Variants in SMARCAL1 observed in about 807,000 individuals in gnomAD.
The protein encoded by SMARCAL1 is SNF2 related chromatin remodeling annealing helicase 1.
SMARCAL1 carries 58 observed loss-of-function variants against 94.5 expected under a neutral mutation model. That is an observed-to-expected ratio of 0.61 (90% confidence interval 0.50 to 0.76). The LOEUF is 0.76. Ranked by LOEUF, SMARCAL1 falls within the 30% of genes least tolerant of loss-of-function variation. The pLI is 0.00. For missense variants in SMARCAL1, 1,051 were observed against 1,177.9 expected, an observed-to-expected ratio of 0.89 and a Z score of 1.58; for synonymous variants, 422 against 455.1, an observed-to-expected ratio of 0.93 and a Z score of 0.93.
At chr2:216,463,423 C>G (rs1276870284) in intron 12 of SMARCAL1, among the ~76,000 whole-genome samples, 1 of 152,172 alleles carries the variant, frequency 6.6e-6, no homozygotes, top group African/African-American at 2.4e-5. Flanking sequence ...GCGGAAGGAA[C>G]AAAGAGGCTC....
chr2:216,477,210 G>C lies in SMARCAL1; in HGVS notation c.2528+1G>C. 1 of 1,580,584 alleles carries C rather than the reference G, an allele frequency of 6.3e-7. No individual in the cohort carries two copies. Among genetic ancestry groups the C allele is most frequent in the Non-Finnish European group, 8.6e-7 (1 of 1,162,054 alleles). On this transcript the variant is annotated splice_donor_variant, in intron 16 of 17. Coordinates refer to ENST00000357276, the MANE Select transcript of SMARCAL1 (RefSeq NM_014140.4). LOFTEE classifies it high-confidence loss of function. ...AGGGCACAGCTGATGACTACCTTTGGTATGGCTTGGTTGGGTGGCCTGGCA... is the reference window on the plus strand; with the variant it reads ...AGGGCACAGCTGATGACTACCTTTGCTATGGCTTGGTTGGGTGGCCTGGCA...
chr2:216,478,074 T>TGA, intron 16 of SMARCAL1, 129 bp from the exon 17 acceptor site: 1 of 832,436 alleles, frequency 1.2e-6, no homozygotes, highest in Non-Finnish European at 2.1e-6. Context: ...GTTTGCACCT[T>TGA]GAGAGATGCA....
At chr2:216,469,154 A>G (rs1694901843) in intron 14 of SMARCAL1, among the ~76,000 whole-genome samples, 1 of 152,106 alleles carries the variant, frequency 6.6e-6, no homozygotes, top group African/African-American at 2.4e-5. Context: ...ACTATATTCT[A>G]GGAGTACGTA....
In SMARCAL1 at chr2:216,476,564, C is replaced by T. The variant is rs559534805; in HGVS notation, c.2428-545C>T. 6.6e-5 allele frequency among the ~76,000 whole-genome samples: 10 copies of T among 152,258 alleles called. No homozygotes were observed. In the East Asian group the frequency reaches 1.5e-3, roughly 24 times the overall value. On this transcript the variant is annotated intron_variant, in intron 15 of 17. Transcript: ENST00000357276. ...CTGGGCTCAAGCAATCTGCCTGCCT[C>T]AGCCTCCCAAAGTGCTGGGATTACA...
chr2:216,477,170 A>G lies in SMARCAL1; in HGVS notation c.2489A>G (p.His830Arg). Reference protein sequence around the residue: ...RIGQTSSVGIHYLVAKGTADD... With the variant: ...RIGQTSSVGIRYLVAKGTADD... ...GGACAGACCAGCTCCGTGGGCATTCACTACCTCGTGGCAAAGGGCACAGCT... is the reference window on the plus strand; with the variant it reads ...GGACAGACCAGCTCCGTGGGCATTCGCTACCTCGTGGCAAAGGGCACAGCT... Residue 830 changes from histidine (H) to arginine (R), a missense_variant, in exon 16 of 18, where the codon CAC becomes CGC. Around this residue, in one of 3 missense-constraint regions of SMARCAL1, gnomAD observed 642 missense variants for 754.7 expected, o/e 0.85. Coordinates refer to ENST00000357276, the MANE Select transcript of SMARCAL1 (RefSeq NM_014140.4). 6.3e-7 allele frequency: 1 copy of G among 1,598,138 alleles called. No homozygotes were observed. Among genetic ancestry groups the G allele is most frequent in the Non-Finnish European group, 8.5e-7 (1 of 1,172,470 alleles).
intron 9 of SMARCAL1, among the ~76,000 whole-genome samples, chr2:216,436,798 G>A (rs982064946): frequency 1.3e-5 from 2 of 152,160 alleles, no homozygotes; most frequent in Non-Finnish European, 2.9e-5. Context: ...TTTCCCAGTG[G>A]CCCCTGAGTA....
rs765629645 is a variant in SMARCAL1 at position 216,415,442 on chromosome 2, T to C, written c.738T>C (p.Asp246=). 1.2e-5 allele frequency: 19 copies of C among 1,614,146 alleles called. No homozygotes were observed. In the South Asian group the frequency reaches 2.0e-4, roughly 17 times the overall value. ...SQKGKCVRNG[D]RFQVLIGYNA... ...AGGGAAAGTGCGTAAGGAACGGCGATCGTTTCCAGGTGTTGATTGGGTACA... is the reference window on the plus strand; with the variant it reads ...AGGGAAAGTGCGTAAGGAACGGCGACCGTTTCCAGGTGTTGATTGGGTACA... The change falls in exon 3 of 18, where the codon GAT becomes GAC. Residue 246 remains aspartate (D), a synonymous_variant. Transcript: ENST00000357276.
intron 5 of SMARCAL1, among the ~76,000 whole-genome samples, chr2:216,423,378 G>GTGGCACCTTTTATCACAACCCT (rs1215865100): frequency 6.6e-6 from 1 of 152,198 alleles, no homozygotes; most frequent in African/African-American, 2.4e-5. Flanking sequence ...CATGTATCCT[G>GTGGCACCTTTTATCACAACCCT]TGGCACCTTT....
At chr2:216,448,115 C>G (rs17558615) in intron 11 of SMARCAL1, among the ~76,000 whole-genome samples, 15,196 of 152,246 alleles carry the variant, frequency 0.1, 903 homozygotes, top group South Asian at 0.19. Context: ...AAATTGTAGT[C>G]CTTAGCATAG....
intron 3 of SMARCAL1, 91 bp from the exon 4 acceptor site, chr2:216,416,166 G>C (rs1280806775): frequency 5.5e-6 from 6 of 1,081,382 alleles, no homozygotes; most frequent in Non-Finnish European, 8.6e-6. Flanking sequence ...TTTGAACTTG[G>C]CGTCCTTCAT....
At chr2:216,476,316 T>TC (rs1695078613) in intron 15 of SMARCAL1, among the ~76,000 whole-genome samples, 1 of 151,416 alleles carries the variant, frequency 6.6e-6, no homozygotes, top group African/African-American at 2.4e-5. Context: ...TTAGGTGGTT[T>TC]TTTTTTTCTT....
At chr2:216,429,903 G>T (rs955567952) in intron 7 of SMARCAL1, among the ~76,000 whole-genome samples, 4 of 152,178 alleles carry the variant, frequency 2.6e-5, no homozygotes, top group Non-Finnish European at 5.9e-5. Context: ...CAGCTGGTGA[G>T]ATGTCCTTTG....
rs1468150462 is a variant in SMARCAL1 at position 216,462,168 on chromosome 2, C to T, written c.2071-2429C>T. Among the ~76,000 whole-genome samples, 4 of 152,360 alleles carry T rather than the reference C, an allele frequency of 2.6e-5. No individual in the cohort carries two copies. In the South Asian group the frequency reaches 6.2e-4, roughly 24 times the overall value. On this transcript the variant is annotated intron_variant, in intron 12 of 17. Transcript: ENST00000357276. The stretch of plus-strand genomic sequence containing the variant: ...GTTTGTTTCTTCATACTCTCATCAA[C>T]TCTAGGTGCTAAATGTTAGAGCAAG...
intron 14 of SMARCAL1, among the ~76,000 whole-genome samples, chr2:216,471,322 T>G (rs1385635126): frequency 6.6e-6 from 1 of 152,106 alleles, no homozygotes; most frequent in African/African-American, 2.4e-5. Flanking sequence ...CCTAAACACA[T>G]GTATTTTTTC....
chr2:216,461,915 C>G (rs933015142), intron 12 of SMARCAL1, among the ~76,000 whole-genome samples: 1 of 151,968 alleles, frequency 6.6e-6, no homozygotes, highest in African/African-American at 2.4e-5. Flanking sequence ...TTTTGTTGGG[C>G]CTTTAAGTTA....
intron 13 of SMARCAL1, among the ~76,000 whole-genome samples, chr2:216,464,888 G>A (rs1035543645): frequency 1.3e-5 from 2 of 152,208 alleles, no homozygotes; most frequent in East Asian, 3.9e-4. Context: ...CTCAATGCCT[G>A]TAATCCCAGC....
intron 10 of SMARCAL1, 137 bp downstream of exon 10, chr2:216,438,622 G>C (rs1214565233): frequency 2.7e-6 from 2 of 746,398 alleles, no homozygotes; most frequent in Non-Finnish European, 4.7e-6. Context: ...CATTGACTTA[G>C]GGCATCTGTC....
At chr2:216,447,242 TG>T in intron 11 of SMARCAL1, 84 bp downstream of exon 11, 1 of 1,365,418 alleles carries the variant, frequency 7.3e-7, no homozygotes, top group Non-Finnish European at 1.0e-6. Context: ...TCTCTGGCCA[TG>T]ATATGGTCAG....
chr2:216,434,121 G>T (rs1302024588), intron 8 of SMARCAL1, among the ~76,000 whole-genome samples: 1 of 151,956 alleles, frequency 6.6e-6, no homozygotes, highest in African/African-American at 2.4e-5. Context: ...AATTCTGCCA[G>T]TGCCTGTAGA....
Sources: allele counts gnomAD v4.1 joint callset (sites outside exome capture counted in the v4.1 genomes callset), GRCh38; gene constraint gnomAD v4.1.1; regional missense constraint gnomAD v4.1.1; transcripts MANE v1.5; gene names NCBI Gene and HGNC (gene_info 2026-07-23, HGNC 2026-07-21).